The following AP3D1 variants were observed in gnomAD, a reference collection of about 807,000 sequenced individuals.
AP3D1 encodes the protein AP-3 complex subunit delta-1.
Under a neutral mutation model 147.6 loss-of-function variants are expected in AP3D1, and 51 were observed. That is an observed-to-expected ratio of 0.35 (90% CI 0.28 to 0.44). AP3D1 has a LOEUF of 0.44. Among genes scored for constraint, AP3D1 ranks in the 20% least tolerant of loss-of-function variants. AP3D1 has a pLI of 1.00. For synonymous variants in AP3D1, 760 were observed against 663.0 expected (o/e 1.15, Z -2.25); for missense variants, 1,421 against 1,624.2 (o/e 0.87, Z 2.15).
rs769763871 is a variant in AP3D1, at chr19:2,137,046, C to T, written c.319G>A (p.Asp107Asn). 19 of 1,596,024 alleles carry T rather than the reference C, an allele frequency of 1.2e-5. No individual in the cohort carries two copies. Among genetic ancestry groups the T allele is most frequent in the Non-Finnish European group, 1.5e-5 (18 of 1,171,604 alleles). ...TGATTGGTGGTCAGCATGATGACGT[C>T]GGTGCCTTCGTGAAAGCTCTGGGAA... The part of the protein sequence containing the change: ...AASQSFHEGT[D>N]VIMLTTNQIR... Residue 107 changes from aspartate (D) to asparagine (N), a missense_variant, in exon 4 of 32, where the codon GAC (aspartate) becomes AAC (asparagine). By Grantham distance (23) the Asp-to-Asn change is conservative. Coordinates refer to ENST00000643116, the MANE Select transcript of AP3D1 (RefSeq NM_001261826.3).
intron 11 of AP3D1, 148 bp from the exon 12 acceptor site, chr19:2,122,027 G>A: frequency 1.1e-6 from 1 of 932,452 alleles, no homozygotes; most frequent in Non-Finnish European, 1.5e-6. Flanking sequence ...TATCCCAGCT[G>A]GAGCTCACCA....
intron 29 of AP3D1, 66 bp downstream of exon 29, chr19:2,109,807 G>A (rs1004096603): frequency 2.7e-6 from 4 of 1,459,280 alleles, no homozygotes; most frequent in Non-Finnish European, 9.6e-7. Flanking sequence ...CGGGGCACAG[G>A]TGTCTGCAAG....
intron 9 of AP3D1, 33 bp downstream of exon 9, chr19:2,127,119 G>T: frequency 6.2e-7 from 1 of 1,612,124 alleles, no homozygotes; most frequent in Non-Finnish European, 8.5e-7. Context: ...GGCAGTGCCA[G>T]CCCTTCCAGA....
Position 2,125,446 on chromosome 19 carries a change from G to C in AP3D1, c.857-1567C>G, listed in dbSNP as rs1274937145. On this transcript the variant is annotated intron_variant, in intron 9 of 31. Coordinates refer to ENST00000643116, the MANE Select transcript of AP3D1 (RefSeq NM_001261826.3). Reference sequence around the variant, plus strand: ...TTCTCCTGCTTCAGCCTCCCAAGTAGTCGGGATTACAGGCGCCCGACACCA... The same window carrying C: ...TTCTCCTGCTTCAGCCTCCCAAGTACTCGGGATTACAGGCGCCCGACACCA... Among the ~76,000 whole-genome samples the C allele has an allele frequency of 2.0e-5, 3 of 152,142 alleles. No homozygotes were observed. The South Asian group carries it at 6.2e-4, about 31-fold the overall frequency.
In AP3D1 at chr19:2,151,530, C is replaced by G. The variant is rs1348874553; in HGVS notation, c.-196G>C. 1 of 165,830 alleles carries G rather than the reference C, an allele frequency of 6.0e-6. No individual in the cohort carries two copies. Among genetic ancestry groups the G allele is most frequent in the Admixed American group, 6.4e-5 (1 of 15,522 alleles). The allele number at this position is 165,830 out of a possible 1,614,324, so 10.3% of individuals were successfully genotyped here. On this transcript the variant is annotated 5_prime_UTR_variant, in exon 1 of 32. Coordinates refer to ENST00000643116, the MANE Select transcript of AP3D1 (RefSeq NM_001261826.3). ...CCGCTCGGCAGGTGCCGCGATCCCGCTCCGGGCCCCTTGCAAATGGCGGAC... is the reference window on the plus strand; with the variant it reads ...CCGCTCGGCAGGTGCCGCGATCCCGGTCCGGGCCCCTTGCAAATGGCGGAC...
chr19:2,133,666 G>A (rs906617050), intron 4 of AP3D1, among the ~76,000 whole-genome samples: 1 of 152,068 alleles, frequency 6.6e-6, no homozygotes, highest in African/African-American at 2.4e-5. Context: ...ACCACGCCTG[G>A]CTAATTTTTG....
rs748121651 is a variant in AP3D1 at position 2,137,044 on chromosome 19, G to A, written c.321C>T (p.Asp107=). Residue 107 remains aspartate, a synonymous_variant, in exon 4 of 32, where the codon GAC becomes GAT. Transcript: ENST00000643116. ...AASQSFHEGT[D]VIMLTTNQIR... Reference sequence around the variant, plus strand: ...TCTGATTGGTGGTCAGCATGATGACGTCGGTGCCTTCGTGAAAGCTCTGGG... The same window carrying A: ...TCTGATTGGTGGTCAGCATGATGACATCGGTGCCTTCGTGAAAGCTCTGGG... 1.1e-5 allele frequency: 18 copies of A among 1,596,126 alleles called. No homozygotes were observed. The highest frequency in any genetic ancestry group is 1.7e-4 in the Middle Eastern group (1 of 6,052).
chr19:2,151,142 C>T, intron 1 of AP3D1, 97 bp downstream of exon 1: 11 of 1,211,092 alleles, frequency 9.1e-6, no homozygotes, highest in Non-Finnish European at 1.3e-5. Flanking sequence ...AGACAGAGCC[C>T]GGGCGGGCGG....
intron 1 of AP3D1, among the ~76,000 whole-genome samples, chr19:2,144,472 A>G (rs2238603): frequency 0.32 from 48,825 of 152,034 alleles, 9,090 homozygotes; most frequent in Non-Finnish European, 0.43. Flanking sequence ...CAGGGCAGAA[A>G]CCAGAAACAG....
chr19:2,164,488 G>C, upstream of AP3D1: 1 of 323,142 alleles, frequency 3.1e-6, no homozygotes. Context: ...AGCGGGAGCC[G>C]GCGCCCCCGA....
chr19:2,140,449 G>A (rs1343001855), intron 1 of AP3D1, among the ~76,000 whole-genome samples: 1 of 151,836 alleles, frequency 6.6e-6, no homozygotes, highest in South Asian at 2.1e-4. Flanking sequence ...TACACACCAT[G>A]TGGTGGGTCT....
chr19:2,138,531 T>G (rs1347228100), intron 2 of AP3D1, 88 bp downstream of exon 2: 1 of 1,026,034 alleles, frequency 9.7e-7, no homozygotes, highest in Non-Finnish European at 1.5e-6. Flanking sequence ...GACTGACAGG[T>G]GGACAGACAG....
At chr19:2,154,383 G>T (rs189286819), upstream of AP3D1, among the ~76,000 whole-genome samples, 95 of 150,316 alleles carry the variant, frequency 6.3e-4, no homozygotes, top group African/African-American at 2.1e-3. Context: ...TAGTTCAAGC[G>T]ATTCTCCTGC....
chr19:2,113,311 C>A (rs1344622168), intron 23 of AP3D1, 25 bp downstream of exon 23: 46 of 1,269,906 alleles, frequency 3.6e-5, no homozygotes, highest in Non-Finnish European at 4.9e-5. Flanking sequence ...CCGAGGCTGG[C>A]ACTGGCCAGC....
At chr19:2,163,760 G>GCGTGCGTACGTT (rs1355248725) in intron 1 of AP3D1, among the ~76,000 whole-genome samples, 1 of 151,658 alleles carries the variant, frequency 6.6e-6, no homozygotes, top group South Asian at 2.1e-4. Flanking sequence ...CCGAGGACGT[G>GCGTGCGTACGTT]CGTGCGTACG....
At chr19:2,127,085 T>C in intron 9 of AP3D1, 67 bp downstream of exon 9, 4 of 1,559,282 alleles carry the variant, frequency 2.6e-6, no homozygotes, top group Non-Finnish European at 3.5e-6. Flanking sequence ...GGCGCCCTCC[T>C]GTCCCCACCT....
At chr19:2,164,406 C>T (rs539038419) in exon 1 of AP3D1, 8 of 514,000 alleles carry the variant, frequency 1.6e-5, no homozygotes, top group South Asian at 2.0e-4. Context: ...GCTGCTCCAC[C>T]CCCGTTGCTT....
At chr19:2,130,338 C>A in intron 6 of AP3D1, 70 bp downstream of exon 6, 1 of 1,602,196 alleles carries the variant, frequency 6.2e-7, no homozygotes, top group South Asian at 1.1e-5. Flanking sequence ...CAAAACACGC[C>A]ACCACCTCTT....
intron 1 of AP3D1, among the ~76,000 whole-genome samples, chr19:2,144,350 C>G (rs894046216): frequency 6.6e-6 from 1 of 152,224 alleles, no homozygotes; most frequent in African/African-American, 2.4e-5. Flanking sequence ...GCCCTCTGCA[C>G]CCAGGAGCAG....
Sources: gnomAD v4.1 joint callset for allele counts (sites outside exome capture counted in the v4.1 genomes callset) on GRCh38, gnomAD v4.1.1 for gene constraint, MANE v1.5 for transcripts, NCBI Gene and HGNC (gene_info 2026-07-23, HGNC 2026-07-21) for gene names.